BEND6: variants seen among roughly 807,000 people sequenced by gnomAD.
BEND6 encodes BEN domain-containing protein 6.
A neutral mutation model predicts 31.8 loss-of-function variants in BEND6; 24 were observed. The observed-to-expected ratio is 0.75, with a 90% CI of 0.55 to 1.06. BEND6 has a LOEUF of 1.06. Ranked by LOEUF, BEND6 falls within the 50% of genes least tolerant of loss-of-function variation. The probability of loss-of-function intolerance (pLI) is 0.00; values close to 1 mark genes in which losing one functional copy is unlikely to be tolerated. For synonymous variants in BEND6, 109 were observed against 114.6 expected, an observed-to-expected ratio of 0.95 and a Z score of 0.31; for missense variants, 294 against 327.4, an observed-to-expected ratio of 0.90 and a Z score of 0.79.
intron 1 of BEND6, among the ~76,000 whole-genome samples, chr6:56,964,027 C>T (rs1018903074): frequency 1.4e-5 from 2 of 147,432 alleles, no homozygotes; most frequent in Non-Finnish European, 3.0e-5. Flanking sequence ...TATATTATTA[C>T]AATTAATATT....
rs534936059 is a variant in BEND6, at chr6:57,013,458, G to C, written c.299-1675G>C. On this transcript the variant is annotated intron_variant, in intron 3 of 6. Transcript: ENST00000370746. ...TCTACTGTCCAAACTTTTTATTGGA[G>C]CTTCATAATGTAGGCATGATTGATC... 1.3e-4 allele frequency among the ~76,000 whole-genome samples: 20 copies of C among 152,288 alleles called. 1 individual carries two copies. The South Asian group carries it at 4.1e-3, about 32-fold the overall frequency.
intron 3 of BEND6, chr6:57,004,691 T>G: frequency 1.3e-6 from 2 of 1,520,968 alleles, no homozygotes; most frequent in Non-Finnish European, 9.0e-7. Flanking sequence ...AATCAGTCAC[T>G]ACTGGAACTG....
intron 2 of BEND6, among the ~76,000 whole-genome samples, chr6:56,991,563 C>T (rs1045304252): frequency 2.6e-5 from 4 of 152,020 alleles, no homozygotes; most frequent in Non-Finnish European, 5.9e-5. Flanking sequence ...GGTTTCACCA[C>T]ATTGCCCAGG....
At chr6:56,964,972 A>G (rs959812301) in intron 1 of BEND6, among the ~76,000 whole-genome samples, 7 of 152,150 alleles carry the variant, frequency 4.6e-5, no homozygotes, top group Admixed American at 3.9e-4. Context: ...CTCCATCCTT[A>G]ACTGGTTTCT....
intron 3 of BEND6, among the ~76,000 whole-genome samples, chr6:57,006,291 C>T (rs529890814): frequency 3.3e-5 from 5 of 152,338 alleles, no homozygotes; most frequent in South Asian, 2.1e-4. Flanking sequence ...TGGCCAGCTT[C>T]GTAGATGTGT....
At chr6:56,986,675 A>C (rs1012776141) in intron 2 of BEND6, among the ~76,000 whole-genome samples, 1 of 152,168 alleles carries the variant, frequency 6.6e-6, no homozygotes, top group African/African-American at 2.4e-5. Flanking sequence ...AGCCTCAATG[A>C]ATTCTAAATT....
chr6:57,004,415 C>A lies in BEND6; in HGVS notation c.299-10718C>A, dbSNP rs888567544. The A allele has an allele frequency of 1.2e-5, 7 of 560,102 alleles. No individual in the cohort carries two copies. The Admixed American group carries it at 1.3e-4, about 10-fold the overall frequency. The allele number at this position is 560,102 out of a possible 1,614,324, so 34.7% of individuals were successfully genotyped here. Reference sequence around the variant, plus strand: ...AACAGTGCTTGGACAGAACCCAGCCCTCATCCCCCCACCCCAGCTGGCTGC... The same window carrying A: ...AACAGTGCTTGGACAGAACCCAGCCATCATCCCCCCACCCCAGCTGGCTGC... On this transcript the variant is annotated intron_variant, in intron 3 of 6. Coordinates refer to ENST00000370746, the MANE Select transcript of BEND6 (RefSeq NM_152731.3).
intron 1 of BEND6, among the ~76,000 whole-genome samples, chr6:56,968,705 C>A (rs891769844): frequency 6.6e-6 from 1 of 151,914 alleles, no homozygotes; most frequent in African/African-American, 2.4e-5. Flanking sequence ...CGAACCATCC[C>A]GAAGCACACT....
intron 1 of BEND6, among the ~76,000 whole-genome samples, chr6:56,972,965 C>G (rs917547370): frequency 2.0e-5 from 3 of 152,176 alleles, no homozygotes; most frequent in Non-Finnish European, 4.4e-5. Flanking sequence ...ACATTTCTCT[C>G]TCTCTCTTCT....
chr6:57,004,579 C>T, intron 3 of BEND6: 1 of 945,018 alleles, frequency 1.1e-6, no homozygotes, highest in South Asian at 1.3e-5. Flanking sequence ...ACCACCAGGA[C>T]TCAGAGGCCA....
chr6:56,990,949 T>C (rs1826475150), intron 2 of BEND6, among the ~76,000 whole-genome samples: 1 of 152,216 alleles, frequency 6.6e-6, no homozygotes, highest in Non-Finnish European at 1.5e-5. Flanking sequence ...GCATTTCATA[T>C]GAACGTACAG....
intron 2 of BEND6, among the ~76,000 whole-genome samples, chr6:56,992,116 A>G (rs1826527050): frequency 6.6e-6 from 1 of 152,088 alleles, no homozygotes; most frequent in Non-Finnish European, 1.5e-5. Flanking sequence ...CTAATTTTCT[A>G]CTTTGTATTT....
Position 57,026,842 on chromosome 6 carries a change from G to A in BEND6, c.*770G>A, listed in dbSNP as rs1319745600. 2.0e-5 allele frequency: 3 copies of A among 152,204 alleles called. No individual in the cohort carries two copies. Among genetic ancestry groups the A allele is most frequent in the South Asian group, 2.1e-4 (1 of 4,824 alleles). 9.4% of individuals were successfully genotyped at this position (152,204 alleles called of 1,614,324 possible). On this transcript the variant is annotated 3_prime_UTR_variant, in exon 7 of 7. Transcript: ENST00000370746. ...TATTTACCAGACATGTTCTAACTTT[G>A]TATTGCCCAAAGTATATTAAATACA...
chr6:56,957,318 A>G (rs1825122634), intron 1 of BEND6, among the ~76,000 whole-genome samples: 1 of 152,168 alleles, frequency 6.6e-6, no homozygotes, highest in Non-Finnish European at 1.5e-5. Context: ...TGTTCTTTCC[A>G]TCAGTTGTCT....
chr6:56,968,769 T>C (rs1404879067), intron 1 of BEND6, among the ~76,000 whole-genome samples: 1 of 152,068 alleles, frequency 6.6e-6, no homozygotes, highest in African/African-American at 2.4e-5. Flanking sequence ...TGAAAATATT[T>C]ATGTCATTTG....
intron 1 of BEND6, chr6:56,975,823 G>A: frequency 1.9e-6 from 1 of 533,780 alleles, no homozygotes. Context: ...CATTTACTCT[G>A]TAGGCCAAGA....
At chr6:56,992,703 T>A in intron 3 of BEND6, 148 bp downstream of exon 3, 1 of 951,454 alleles carries the variant, frequency 1.1e-6, no homozygotes, top group Non-Finnish European at 1.5e-6. Context: ...TCACTGATTA[T>A]ATAATTTAAA....
At chr6:56,974,398 A>C (rs1483401922) in intron 1 of BEND6, among the ~76,000 whole-genome samples, 1 of 152,204 alleles carries the variant, frequency 6.6e-6, no homozygotes. Flanking sequence ...TTAAGGTAAG[A>C]ATGTTTTTTA....
At chr6:56,989,223 A>T (rs928285620) in intron 2 of BEND6, among the ~76,000 whole-genome samples, 2 of 151,756 alleles carry the variant, frequency 1.3e-5, no homozygotes, top group Non-Finnish European at 2.9e-5. Context: ...ACTTTACATA[A>T]AGTATACCAT....
Sources: allele counts gnomAD v4.1 joint callset (sites outside exome capture counted in the v4.1 genomes callset), GRCh38; gene constraint gnomAD v4.1.1; transcripts MANE v1.5; gene names NCBI Gene and HGNC (gene_info 2026-07-23, HGNC 2026-07-21).